Variants in LRRC55 observed in about 807,000 individuals in gnomAD.
The protein encoded by LRRC55 is leucine-rich repeat-containing protein 55.
A neutral mutation model predicts 20.5 loss-of-function variants in LRRC55; 11 were observed. The observed-to-expected ratio is 0.54, with a 90% CI of 0.34 to 0.89. The LOEUF (loss-of-function observed/expected upper bound fraction) is 0.89. LRRC55 is among the 40% of genes least tolerant of loss of function. The pLI is 0.02. For synonymous variants in LRRC55, 188 were observed against 166.6 expected (o/e 1.13, Z -0.99); for missense variants, 358 against 390.9 (o/e 0.92, Z 0.71).
At position 57,186,012 on chromosome 11, in the gene LRRC55, A is replaced by G. The variant is rs183606538; in HGVS notation, c.662-1233A>G. ...TAATATATGTTATATATTATATATT[A>G]CATTAATATGTAGCATATAATTCGT... On this transcript the variant is annotated intron_variant, in intron 1 of 1. Coordinates refer to ENST00000497933, the MANE Select transcript of LRRC55 (RefSeq NM_001005210.4). Among the ~76,000 whole-genome samples, 11 of 151,542 alleles carry G rather than the reference A, an allele frequency of 7.3e-5. No individual in the cohort carries two copies. In the East Asian group the frequency reaches 1.4e-3, roughly 19 times the overall value.
In LRRC55 at chr11:57,182,321, C is replaced by G; in HGVS notation, c.299C>G (p.Ser100Cys). Reference sequence around the variant, plus strand: ...CAGGTGCTGGATTTGCACAACAACTCCTTAATGGAGCTGCCCCGGGGCCTC... The same window carrying G: ...CAGGTGCTGGATTTGCACAACAACTGCTTAATGGAGCTGCCCCGGGGCCTC... ...ELQVLDLHNNSLMELPRGLFL... is the reference protein window; with the variant it reads ...ELQVLDLHNNCLMELPRGLFL... Residue 100 changes from serine (S) to cysteine (C), a missense_variant, in exon 1 of 2, where the codon TCC becomes TGC. Transcript: ENST00000497933. 6.2e-7 allele frequency: 1 copy of G among 1,614,078 alleles called. No homozygotes were observed. The highest frequency in any genetic ancestry group is 8.5e-7 in the Non-Finnish European group (1 of 1,179,976).
chr11:57,187,888 T>A lies in LRRC55; in HGVS notation c.*408T>A. 3.5e-6 allele frequency: 1 copy of A among 283,056 alleles called. No individual in the cohort carries two copies. Among genetic ancestry groups the A allele is most frequent in the South Asian group, 3.6e-5 (1 of 27,686 alleles). 17.5% of individuals were successfully genotyped at this position (283,056 alleles called of 1,614,324 possible). A position where few individuals can be genotyped will look rare whatever the true frequency, so the allele number is the denominator to read the frequency against. Reference sequence around the variant, plus strand: ...ATCAGGAAATATCTACTTTGTCAGGTAGGCAAAGAAGGGTGTCTGCACATG... The same window carrying A: ...ATCAGGAAATATCTACTTTGTCAGGAAGGCAAAGAAGGGTGTCTGCACATG... On this transcript the variant is annotated 3_prime_UTR_variant, in exon 2 of 2. Transcript: ENST00000497933.
intron 1 of LRRC55, among the ~76,000 whole-genome samples, chr11:57,185,528 ACCCG>A (rs1309554726): frequency 5.7e-5 from 8 of 139,358 alleles, no homozygotes; most frequent in Non-Finnish European, 9.4e-5. Context: ...ATCCACCTCC[ACCCG>A]CCTTGGCTTC....
rs1001728786 is a variant in LRRC55, at chr11:57,189,702, T to C, written c.*2222T>C. 1.3e-5 allele frequency: 2 copies of C among 152,234 alleles called. No individual in the cohort carries two copies. Among genetic ancestry groups the C allele is most frequent in the Non-Finnish European group, 2.9e-5 (2 of 68,086 alleles). The allele number at this position is 152,234 out of a possible 1,614,324, so 9.4% of individuals were successfully genotyped here. A position where few individuals can be genotyped will look rare whatever the true frequency, so the allele number is the denominator to read the frequency against. On this transcript the variant is annotated 3_prime_UTR_variant, in exon 2 of 2. Coordinates refer to ENST00000497933, the MANE Select transcript of LRRC55 (RefSeq NM_001005210.4). ...ATCAAGGCACAGTCCAACATGCTGA[T>C]AAGTCTGGCCAGGAGGAGAATTAAA... is the stretch of plus-strand genomic sequence containing the variant.
Position 57,191,344 on chromosome 11 carries a change from C to G in LRRC55, c.*3864C>G, listed in dbSNP as rs1854508244. 6.6e-6 allele frequency: 1 copy of G among 152,166 alleles called. No homozygotes were observed. Among genetic ancestry groups the G allele is most frequent in the African/African-American group, 2.4e-5 (1 of 41,406 alleles). The allele number at this position is 152,166 out of a possible 1,614,324, so 9.4% of individuals were successfully genotyped here. A position where few individuals can be genotyped will look rare whatever the true frequency, so the allele number is the denominator to read the frequency against. ...GTGTCTGTGCTGACATCCTTTCCAG[C>G]AGTAGAAGACTAAAAAGATATATCT... On this transcript the variant is annotated 3_prime_UTR_variant, in exon 2 of 2. Transcript: ENST00000497933.
At position 57,182,083 on chromosome 11, in the gene LRRC55, A is replaced by T; in HGVS notation, c.61A>T (p.Ile21Phe). 1 of 1,614,048 alleles carries T rather than the reference A, an allele frequency of 6.2e-7. No individual in the cohort carries two copies. Among genetic ancestry groups the T allele is most frequent in the Non-Finnish European group, 8.5e-7 (1 of 1,180,012 alleles). The change falls in exon 1 of 2, where the codon ATC (isoleucine) becomes TTC (phenylalanine). Residue 21 changes from isoleucine to phenylalanine, a missense_variant. By Grantham distance (21) the Ile-to-Phe change is conservative. This residue lies in a region of LRRC55 where 175 missense variants were observed against 164.5 expected (regional missense o/e 1.06). Coordinates refer to ENST00000497933, the MANE Select transcript of LRRC55 (RefSeq NM_001005210.4). Reference protein sequence around the residue: ...PGPPHPAMLLISLLLAAGLMH... With the variant: ...PGPPHPAMLLFSLLLAAGLMH... ...GCCACCCCACCCAGCAATGCTGCTG[A>T]TCTCCCTCCTCTTGGCAGCCGGGTT...
At position 57,188,076 on chromosome 11, in the gene LRRC55, T is replaced by A. The variant is rs993519301; in HGVS notation, c.*596T>A. On this transcript the variant is annotated 3_prime_UTR_variant, in exon 2 of 2. Coordinates refer to ENST00000497933, the MANE Select transcript of LRRC55 (RefSeq NM_001005210.4). ...AATGCCAGCCACTGCCTACAGGGAG[T>A]AAGAACACCTCTATGACAGCCCCTG... 5 of 156,310 alleles carry A rather than the reference T, an allele frequency of 3.2e-5. No homozygotes were observed. Among genetic ancestry groups the A allele is most frequent in the African/African-American group, 1.2e-4 (5 of 41,324 alleles). The allele number at this position is 156,310 out of a possible 1,614,324, so 9.7% of individuals were successfully genotyped here.
At chr11:57,184,635 C>T (rs565635151) in intron 1 of LRRC55, among the ~76,000 whole-genome samples, 1 of 152,362 alleles carries the variant, frequency 6.6e-6, no homozygotes, top group African/African-American at 2.4e-5. Flanking sequence ...TTTTCAGCTG[C>T]TTCCTCCCTT....
At chr11:57,183,186 C>A (rs115043504) in intron 1 of LRRC55, among the ~76,000 whole-genome samples, 1,867 of 152,238 alleles carry the variant, frequency 0.012, 49 homozygotes, top group African/African-American at 0.043. Context: ...TGAATAAAAC[C>A]TAGATTTATC....
At chr11:57,185,311 C>T (rs868455896) in intron 1 of LRRC55, among the ~76,000 whole-genome samples, 11 of 117,788 alleles carry the variant, frequency 9.3e-5, no homozygotes, top group Non-Finnish European at 1.8e-4. Context: ...GACAGAGTCT[C>T]GCTCTGTCAC....
In LRRC55 at chr11:57,190,663, A is replaced by G. The variant is rs1854496953; in HGVS notation, c.*3183A>G. 1 of 152,236 alleles carries G rather than the reference A, an allele frequency of 6.6e-6. No individual in the cohort carries two copies. Among genetic ancestry groups the G allele is most frequent in the African/African-American group, 2.4e-5 (1 of 41,454 alleles). The allele number at this position is 152,236 out of a possible 1,614,324, so 9.4% of individuals were successfully genotyped here. ...ACAGATCTCTCTAGAACTTGGGTTCAGTTCTCTGACATAGTCCACTCAGCC... is the reference window on the plus strand; with the variant it reads ...ACAGATCTCTCTAGAACTTGGGTTCGGTTCTCTGACATAGTCCACTCAGCC... On this transcript the variant is annotated 3_prime_UTR_variant, in exon 2 of 2. Transcript: ENST00000497933.
chr11:57,185,972 C>T (rs1449946046), intron 1 of LRRC55, among the ~76,000 whole-genome samples: 1 of 151,054 alleles, frequency 6.6e-6, no homozygotes, highest in African/African-American at 2.4e-5. Flanking sequence ...TATAATAATT[C>T]ATATAATTGA....
At chr11:57,186,499 C>A (rs1050229372) in intron 1 of LRRC55, among the ~76,000 whole-genome samples, 1 of 152,020 alleles carries the variant, frequency 6.6e-6, no homozygotes, top group African/African-American at 2.4e-5. Context: ...AAGTGGGGTG[C>A]TATTTTATTC....
At chr11:57,185,293 T>A (rs1854417315) in intron 1 of LRRC55, among the ~76,000 whole-genome samples, 1 of 137,948 alleles carries the variant, frequency 7.2e-6, no homozygotes, top group Non-Finnish European at 1.6e-5. Flanking sequence ...TTTTTTTTTT[T>A]TTTTTGAGAC....
At chr11:57,185,073 C>T (rs1590777142) in intron 1 of LRRC55, among the ~76,000 whole-genome samples, 1 of 152,212 alleles carries the variant, frequency 6.6e-6, no homozygotes, top group East Asian at 1.9e-4. Flanking sequence ...AACCTGACTC[C>T]CCATTTCCAA....
chr11:57,182,281 T>A lies in LRRC55; in HGVS notation c.259T>A (p.Cys87Ser). ...ITAVPPGYLTCYMELQVLDLH... is the reference protein window; with the variant it reads ...ITAVPPGYLTSYMELQVLDLH... ...AGCAGTGCCGCCTGGCTACCTCACA[T>A]GCTACATGGAGCTCCAGGTGCTGGA... Residue 87 changes from cysteine to serine, a missense_variant, in exon 1 of 2, where the codon TGC becomes AGC. Transcript: ENST00000497933. 1 of 1,614,148 alleles carries A rather than the reference T, an allele frequency of 6.2e-7. No homozygotes were observed. Among genetic ancestry groups the A allele is most frequent in the Non-Finnish European group, 8.5e-7 (1 of 1,180,016 alleles).
Position 57,182,245 on chromosome 11 carries a change from A to G in LRRC55, c.223A>G (p.Asn75Asp). Residue 75 changes from asparagine (N) to aspartate (D), a missense_variant, in exon 1 of 2, where the codon AAC becomes GAC. This residue lies in a region of LRRC55 where 175 missense variants were observed against 164.5 expected (regional missense o/e 1.06). Transcript: ENST00000497933. The part of the protein sequence containing the change: ...MDTRNLSLAH[N>D]RITAVPPGYL... ...CACCCGAAACCTCAGCCTGGCCCACAACCGCATCACAGCAGTGCCGCCTGG... is the reference window on the plus strand; with the variant it reads ...CACCCGAAACCTCAGCCTGGCCCACGACCGCATCACAGCAGTGCCGCCTGG... 6.2e-7 allele frequency: 1 copy of G among 1,614,138 alleles called. No individual in the cohort carries two copies. Among genetic ancestry groups the G allele is most frequent in the Non-Finnish European group, 8.5e-7 (1 of 1,180,008 alleles).
rs750186574 is a variant in LRRC55 at position 57,187,467 on chromosome 11, A to C, written c.884A>C (p.Glu295Ala). The change falls in exon 2 of 2, where the codon GAG becomes GCG. Residue 295 changes from glutamate (E) to alanine (A), a missense_variant. By Grantham distance (107) the Glu-to-Ala change is moderately radical. This residue lies in a region of LRRC55 where 178 missense variants were observed against 207.9 expected (regional missense o/e 0.86). Coordinates refer to ENST00000497933, the MANE Select transcript of LRRC55 (RefSeq NM_001005210.4). ...CACCGCTGGAGCAAGGCCAGTGAAG[A>C]GGAAGAGATCTGACATGCCTGCCTC... is the stretch of plus-strand genomic sequence containing the variant. ...CCHRWSKASE[E>A]EEI The C allele has an allele frequency of 3.7e-6, 6 of 1,613,838 alleles. No individual in the cohort carries two copies. Among genetic ancestry groups the C allele is most frequent in the Non-Finnish European group, 5.1e-6 (6 of 1,180,016 alleles).
Position 57,182,184 on chromosome 11 carries a change from G to C in LRRC55, c.162G>C (p.Gln54His). 2 of 1,614,166 alleles carry C rather than the reference G, an allele frequency of 1.2e-6. No homozygotes were observed. The highest frequency in any genetic ancestry group is 1.7e-6 in the Non-Finnish European group (2 of 1,180,028). ...ACCAGGTGGTGGATTGTAGCAGCCA[G>C]CGGCTATTCTCCGTGCCCCCAGACC... ...CRNQVVDCSS[Q>H]RLFSVPPDLP... Residue 54 changes from glutamine to histidine, a missense_variant, in exon 1 of 2, where the codon CAG (glutamine) becomes CAC (histidine). By Grantham distance (24) the Gln-to-His change is conservative. Transcript: ENST00000497933.
Sources: allele counts gnomAD v4.1 joint callset (sites outside exome capture counted in the v4.1 genomes callset), GRCh38; gene constraint gnomAD v4.1.1; regional missense constraint gnomAD v4.1.1; transcripts MANE v1.5; gene names NCBI Gene and HGNC (gene_info 2026-07-23, HGNC 2026-07-21).